STPG2: variants seen among roughly 807,000 people sequenced by gnomAD.
STPG2 encodes sperm-tail PG-rich repeat-containing protein 2.
Under a neutral mutation model 54.2 loss-of-function variants are expected in STPG2, and 56 were observed. The observed-to-expected ratio is 1.03, with a 90% CI of 0.83 to 1.29. The LOEUF (loss-of-function observed/expected upper bound fraction) is 1.29. Among genes scored for constraint, STPG2 ranks in the 50% most tolerant of loss-of-function variants. The pLI is 0.00. For synonymous variants in STPG2, 200 were observed against 181.8 expected, an observed-to-expected ratio of 1.10 and a Z score of -0.81; for missense variants, 596 against 544.9, an observed-to-expected ratio of 1.09 and a Z score of -0.93.
chr4:98,093,047 T>C (rs1237561309), intron 5 of STPG2, among the ~76,000 whole-genome samples: 1 of 152,156 alleles, frequency 6.6e-6, no homozygotes, highest in Non-Finnish European at 1.5e-5. Context: ...CGCCACCTAG[T>C]GAAACTGTAC....
intron 5 of STPG2, among the ~76,000 whole-genome samples, chr4:98,041,593 A>G (rs1480775802): frequency 1.3e-5 from 2 of 151,730 alleles, no homozygotes; most frequent in Non-Finnish European, 2.9e-5. Flanking sequence ...AGATGATCAT[A>G]TAGTTTTTTG....
intron 9 of STPG2, among the ~76,000 whole-genome samples, chr4:97,765,991 G>A (rs1409701779): frequency 6.6e-6 from 1 of 152,074 alleles, no homozygotes; most frequent in African/African-American, 2.4e-5. Context: ...TTTCTAACTT[G>A]CAGAGGTGGT....
At chr4:97,923,301 C>CT (rs1732188813) in intron 8 of STPG2, among the ~76,000 whole-genome samples, 1 of 77,512 alleles carries the variant, frequency 1.3e-5, no homozygotes, top group African/African-American at 4.6e-5. Flanking sequence ...CTTCCCCTCC[C>CT]ACCCCCCCCG....
intron 4 of STPG2, among the ~76,000 whole-genome samples, chr4:97,465,700 C>A (rs560517818): frequency 2.0e-5 from 3 of 151,946 alleles, no homozygotes; most frequent in South Asian, 4.2e-4. Flanking sequence ...TATTTTAAAT[C>A]ATCTCTAGAT....
intron 9 of STPG2, among the ~76,000 whole-genome samples, chr4:97,767,245 T>C (rs1223354441): frequency 6.6e-6 from 1 of 152,156 alleles, no homozygotes; most frequent in Non-Finnish European, 1.5e-5. Context: ...CCAAATACAA[T>C]GTGTTTGTTT....
rs1211754369 is a variant in STPG2, at chr4:97,563,839, G to C, written c.1321-4722C>G. 2.6e-5 allele frequency among the ~76,000 whole-genome samples: 4 copies of C among 152,138 alleles called. 1 individual carries two copies. The highest frequency in any genetic ancestry group is 9.7e-5 in the African/African-American group (4 of 41,428). On this transcript the variant is annotated intron_variant, in intron 10 of 10. Transcript: ENST00000295268. ...TAATTTCTGATCTTTTACATTTGCT[G>C]AGGAGAGCTTTACTTCTAATGATGT...
chr4:98,017,237 A>C (rs2149287387), intron 5 of STPG2, among the ~76,000 whole-genome samples: 1 of 152,350 alleles, frequency 6.6e-6, no homozygotes. Flanking sequence ...CAGTGGCCAT[A>C]CTAGAGTCTG....
At chr4:97,677,535 G>A (rs1722888550) in intron 10 of STPG2, among the ~76,000 whole-genome samples, 1 of 152,116 alleles carries the variant, frequency 6.6e-6, no homozygotes, top group African/African-American at 2.4e-5. Context: ...CTTTACAGCT[G>A]GATGGTGGCT....
At chr4:97,634,829 A>G (rs1457624818) in intron 10 of STPG2, among the ~76,000 whole-genome samples, 4 of 150,808 alleles carry the variant, frequency 2.7e-5, no homozygotes, top group Non-Finnish European at 4.5e-5. Context: ...TCCAAGAAAT[A>G]TGGGACTATG....
At chr4:97,600,420 T>TA (rs1733428238) in intron 10 of STPG2, among the ~76,000 whole-genome samples, 1 of 152,158 alleles carries the variant, frequency 6.6e-6, no homozygotes, top group Admixed American at 6.5e-5. Context: ...TAAGCATACA[T>TA]ATAGTTACAA....
intron 10 of STPG2, among the ~76,000 whole-genome samples, chr4:97,610,841 A>G (rs375432721): frequency 1.3e-5 from 2 of 150,236 alleles, no homozygotes; most frequent in Admixed American, 1.3e-4. Flanking sequence ...CAGTTATAAT[A>G]TAAATGAAGG....
intron 10 of STPG2, among the ~76,000 whole-genome samples, chr4:97,617,670 A>G (rs1288328136): frequency 6.6e-6 from 1 of 152,162 alleles, no homozygotes; most frequent in Non-Finnish European, 1.5e-5. Context: ...AGTAAGATAC[A>G]CAGACTATTC....
intron 4 of STPG2, among the ~76,000 whole-genome samples, chr4:97,498,153 C>T (rs2148831398): frequency 6.6e-6 from 1 of 152,074 alleles, no homozygotes; most frequent in South Asian, 2.1e-4. Flanking sequence ...AAAACATAGT[C>T]TAGTCCCCAT....
chr4:97,572,892 C>T (rs1269401136), intron 10 of STPG2, among the ~76,000 whole-genome samples: 1 of 152,032 alleles, frequency 6.6e-6, no homozygotes, highest in Non-Finnish European at 1.5e-5. Context: ...ATTTTACCTA[C>T]TATTATTCAA....
At chr4:97,981,831 G>GTTTA (rs1734687997) in intron 5 of STPG2, among the ~76,000 whole-genome samples, 1 of 56,084 alleles carries the variant, frequency 1.8e-5, no homozygotes, top group Non-Finnish European at 4.3e-5. Context: ...TATATAAAAT[G>GTTTA]TTTATATATA....
intron 9 of STPG2, among the ~76,000 whole-genome samples, chr4:97,736,630 A>G (rs901081018): frequency 2.0e-5 from 3 of 152,166 alleles, no homozygotes; most frequent in Non-Finnish European, 4.4e-5. Context: ...CTGAGATCAA[A>G]CTGCAAGGTG....
chr4:98,105,067 T>A (rs1188175256), intron 5 of STPG2, among the ~76,000 whole-genome samples: 4 of 152,204 alleles, frequency 2.6e-5, no homozygotes, highest in African/African-American at 9.6e-5. Flanking sequence ...CAAACTGTGT[T>A]CAAATAAGGC....
chr4:98,009,313 T>C (rs1735666064), intron 5 of STPG2, among the ~76,000 whole-genome samples: 2 of 151,854 alleles, frequency 1.3e-5, no homozygotes, highest in South Asian at 4.1e-4. Context: ...TATCTTTTTA[T>C]TTCCCTTTTA....
Position 98,056,133 on chromosome 4 carries a change from G to T in STPG2, c.612+49820C>A, listed in dbSNP as rs552513334. Among the ~76,000 whole-genome samples, 5 of 152,168 alleles carry T rather than the reference G, an allele frequency of 3.3e-5. No individual in the cohort carries two copies. In the South Asian group the frequency reaches 1.0e-3, roughly 32 times the overall value. On this transcript the variant is annotated intron_variant, in intron 5 of 10. Coordinates refer to ENST00000295268, the MANE Select transcript of STPG2 (RefSeq NM_174952.3). ...GCCCCCCCCCAAATAAACAGCTATT[G>T]CAGAGGAAGCCTTGGCAGGCACAGA...
Sources: allele counts gnomAD v4.1 joint callset (sites outside exome capture counted in the v4.1 genomes callset), GRCh38; gene constraint gnomAD v4.1.1; transcripts MANE v1.5; gene names NCBI Gene and HGNC (gene_info 2026-07-23, HGNC 2026-07-21).